Variants in CNTNAP2 observed in about 807,000 individuals in gnomAD.
CNTNAP2 encodes contactin associated protein 2, also known as contactin-associated protein-like 2.
A neutral mutation model predicts 155.2 loss-of-function variants in CNTNAP2; 98 were observed. The ratio of observed to expected loss-of-function variants is 0.63; its 90% CI spans 0.54 to 0.75. The LOEUF is 0.75. Ranked by LOEUF, CNTNAP2 falls within the 30% of genes least tolerant of loss-of-function variation. The pLI is 0.00. For missense variants in CNTNAP2, 1,727 were observed against 1,688.1 expected (o/e 1.02, Z -0.40); for synonymous variants, 651 against 631.2 (o/e 1.03, Z -0.47).
chr7:146,668,523 T>G (rs185342219), intron 1 of CNTNAP2, among the ~76,000 whole-genome samples: 16 of 151,964 alleles, frequency 1.1e-4, no homozygotes, highest in African/African-American at 3.9e-4. Flanking sequence ...AGAATGAGTT[T>G]GGAAGAATTC....
chr7:147,152,693 T>A (rs1260640786), intron 8 of CNTNAP2, among the ~76,000 whole-genome samples: 1 of 152,168 alleles, frequency 6.6e-6, no homozygotes, highest in Non-Finnish European at 1.5e-5. Flanking sequence ...TTAGATTTGA[T>A]GGTAAAATAA....
chr7:147,079,829 C>T lies in CNTNAP2; in HGVS notation c.551-28318C>T, dbSNP rs377609463. On this transcript the variant is annotated intron_variant, in intron 4 of 23. Coordinates refer to ENST00000361727, the MANE Select transcript of CNTNAP2 (RefSeq NM_014141.6). ...AGCTGCTGTTTGTTGAGAATCCCCA[C>T]GTGTTTGTCCTTTCACAGTGTCTGT... Among the ~76,000 whole-genome samples, 10 of 152,078 alleles carry T rather than the reference C, an allele frequency of 6.6e-5. No individual in the cohort carries two copies. In the South Asian group the frequency reaches 8.3e-4, roughly 13 times the overall value.
intron 1 of CNTNAP2, among the ~76,000 whole-genome samples, chr7:146,482,206 G>GAAAAAAAAAAAAAA (rs749887909): frequency 4.9e-5 from 4 of 82,162 alleles, no homozygotes; most frequent in African/African-American, 1.4e-4. Context: ...CTAAGAATTA[G>GAAAAAAAAAAAAAA]AAAAAAAAAA....
chr7:146,409,257 CTAA>C (rs1468008406), intron 1 of CNTNAP2, among the ~76,000 whole-genome samples: 1 of 152,044 alleles, frequency 6.6e-6, no homozygotes, highest in Non-Finnish European at 1.5e-5. Flanking sequence ...TTTTGCGAGG[CTAA>C]TAAGATGACA....
intron 13 of CNTNAP2, among the ~76,000 whole-genome samples, chr7:147,763,602 G>A (rs1019396898): frequency 2.0e-5 from 3 of 152,150 alleles, no homozygotes; most frequent in African/African-American, 7.2e-5. Context: ...CTAGCACTGT[G>A]TTTGTGTTTC....
intron 10 of CNTNAP2, among the ~76,000 whole-genome samples, chr7:147,443,697 A>C (rs1404660600): frequency 1.3e-5 from 2 of 152,122 alleles, no homozygotes; most frequent in African/African-American, 4.8e-5. Flanking sequence ...TTAAGCATTA[A>C]ATTTCTGTAT....
intron 11 of CNTNAP2, among the ~76,000 whole-genome samples, chr7:147,501,136 T>C (rs1162111918): frequency 1.3e-5 from 2 of 151,882 alleles, no homozygotes; most frequent in African/African-American, 2.4e-5. Flanking sequence ...AAGAATCATA[T>C]GATCATTTCA....
chr7:146,410,809 T>C (rs1331661935), intron 1 of CNTNAP2, among the ~76,000 whole-genome samples: 2 of 152,142 alleles, frequency 1.3e-5, no homozygotes, highest in Non-Finnish European at 2.9e-5. Context: ...CATTCTAGCC[T>C]CTGCTTCTCT....
intron 10 of CNTNAP2, among the ~76,000 whole-genome samples, chr7:147,429,097 T>A (rs1243735539): frequency 6.6e-6 from 1 of 152,096 alleles, no homozygotes; most frequent in Admixed American, 6.6e-5. Flanking sequence ...TTTCTGTGAA[T>A]GCCATTATTT....
intron 1 of CNTNAP2, among the ~76,000 whole-genome samples, chr7:146,532,351 A>T (rs1797782508): frequency 6.6e-6 from 1 of 152,174 alleles, no homozygotes; most frequent in African/African-American, 2.4e-5. Context: ...AAGTGTGTTG[A>T]TGGGGGATGC....
chr7:147,609,569 G>A (rs1801142630), intron 12 of CNTNAP2, among the ~76,000 whole-genome samples: 1 of 151,998 alleles, frequency 6.6e-6, no homozygotes, highest in Non-Finnish European at 1.5e-5. Context: ...TTGTGGGGGA[G>A]ACAGACAATA....
intron 8 of CNTNAP2, among the ~76,000 whole-genome samples, chr7:147,232,309 A>C (rs1156377955): frequency 6.6e-6 from 1 of 152,242 alleles, no homozygotes; most frequent in Non-Finnish European, 1.5e-5. Flanking sequence ...TTTTCACGGA[A>C]ATGCCGTTTC....
intron 13 of CNTNAP2, among the ~76,000 whole-genome samples, chr7:147,707,763 T>C (rs1227494114): frequency 6.6e-6 from 1 of 152,092 alleles, no homozygotes; most frequent in Admixed American, 6.5e-5. Context: ...GTGATTTGCA[T>C]TGTTTGTTGG....
chr7:146,135,602 C>T (rs1314450534), intron 1 of CNTNAP2, among the ~76,000 whole-genome samples: 2 of 151,986 alleles, frequency 1.3e-5, no homozygotes, highest in African/African-American at 4.8e-5. Flanking sequence ...GAGTGTGGTG[C>T]TTAACAAATT....
chr7:146,517,639 G>A (rs1193962486), intron 1 of CNTNAP2, among the ~76,000 whole-genome samples: 4 of 151,902 alleles, frequency 2.6e-5, no homozygotes, highest in Non-Finnish European at 5.9e-5. Context: ...AGGCAGTTGA[G>A]TGATATAATT....
At chr7:146,793,357 G>A (rs987002064) in intron 2 of CNTNAP2, among the ~76,000 whole-genome samples, 3 of 152,192 alleles carry the variant, frequency 2.0e-5, no homozygotes, top group East Asian at 1.9e-4. Context: ...TCTCAGGCAT[G>A]TGTTAGTCCT....
At chr7:147,856,203 A>C (rs558660319) in intron 13 of CNTNAP2, among the ~76,000 whole-genome samples, 1 of 152,162 alleles carries the variant, frequency 6.6e-6, no homozygotes, top group African/African-American at 2.4e-5. Flanking sequence ...CCATAGTTCT[A>C]GACCTTGGCT....
chr7:147,045,629 A>ATTAGTTATGGCCTTAC (rs1265384257), intron 4 of CNTNAP2, among the ~76,000 whole-genome samples: 1 of 152,184 alleles, frequency 6.6e-6, no homozygotes, highest in African/African-American at 2.4e-5. Flanking sequence ...AAGAGGTCTA[A>ATTAGTTATGGCCTTAC]CATAAATTAG....
intron 22 of CNTNAP2, among the ~76,000 whole-genome samples, chr7:148,398,763 G>C (rs560624426): frequency 6.6e-6 from 1 of 152,282 alleles, no homozygotes; most frequent in Admixed American, 6.5e-5. Flanking sequence ...TAATGCCCAG[G>C]GGATGTGTTT....
Sources: allele counts gnomAD v4.1 joint callset (sites outside exome capture counted in the v4.1 genomes callset), GRCh38; gene constraint gnomAD v4.1.1; transcripts MANE v1.5; gene names NCBI Gene and HGNC (gene_info 2026-07-23, HGNC 2026-07-21).